Variants in RTN4RL1 observed in about 807,000 individuals in gnomAD.
The protein encoded by RTN4RL1 is reticulon 4 receptor like 1.
In RTN4RL1, 7 loss-of-function variants were observed where a neutral mutation model predicts 25.6. That is an observed-to-expected ratio of 0.27 (90% CI 0.16 to 0.51). RTN4RL1 has a LOEUF of 0.51. Ranked by LOEUF, RTN4RL1 falls within the 20% of genes least tolerant of loss-of-function variation. RTN4RL1 has a pLI of 0.97. For synonymous variants in RTN4RL1, 297 were observed against 288.2 expected (o/e 1.03, Z -0.31); for missense variants, 500 against 615.6 (o/e 0.81, Z 1.99).
At chr17:2,008,651 T>C (rs1482120372) in intron 1 of RTN4RL1, among the ~76,000 whole-genome samples, 1 of 152,146 alleles carries the variant, frequency 6.6e-6, no homozygotes, top group Non-Finnish European at 1.5e-5. Context: ...TTCTTGAGGC[T>C]TTGCAACAGT....
chr17:1,956,224 G>T (rs1182231497), intron 1 of RTN4RL1, among the ~76,000 whole-genome samples: 1 of 152,096 alleles, frequency 6.6e-6, no homozygotes, highest in Non-Finnish European at 1.5e-5. Flanking sequence ...CACCCAGCGG[G>T]GTGCAGGCGA....
intron 1 of RTN4RL1, among the ~76,000 whole-genome samples, chr17:1,966,012 A>T (rs2066789498): frequency 6.6e-6 from 1 of 152,144 alleles, no homozygotes. Context: ...TGACACAGCC[A>T]AGACAAGCAC....
At chr17:1,948,563 A>AGACACAGGCAGACAGGCG (rs1487484908) in intron 1 of RTN4RL1, among the ~76,000 whole-genome samples, 5 of 152,166 alleles carry the variant, frequency 3.3e-5, no homozygotes, top group Admixed American at 6.6e-5. Flanking sequence ...GCAGACAGGC[A>AGACACAGGCAGACAGGCG]GACACAGGCA....
chr17:2,018,937 C>A (rs1252358220), intron 1 of RTN4RL1: 1 of 152,282 alleles, frequency 6.6e-6, no homozygotes, highest in African/African-American at 2.4e-5. Flanking sequence ...CAGCTAGCAT[C>A]CATGTCTCCT....
At chr17:1,952,332 G>T (rs112804109) in intron 1 of RTN4RL1, among the ~76,000 whole-genome samples, 12,145 of 134,870 alleles carry the variant, frequency 0.09, 687 homozygotes, top group Admixed American at 0.16. Flanking sequence ...AGGGAGGTTG[G>T]TTTTTTTTTT....
chr17:1,999,980 C>T, intron 1 of RTN4RL1, among the ~76,000 whole-genome samples: 1 of 152,350 alleles, frequency 6.6e-6, no homozygotes, highest in Admixed American at 6.5e-5. Flanking sequence ...GACCACTGGG[C>T]AGGCCAGGGT....
intron 1 of RTN4RL1, among the ~76,000 whole-genome samples, chr17:1,977,540 G>A (rs2066847801): frequency 6.6e-6 from 1 of 152,046 alleles, no homozygotes; most frequent in Admixed American, 6.5e-5. Context: ...CCGCCCGCCG[G>A]CCTGGGGTGT....
At chr17:1,965,255 G>A (rs546071517) in intron 1 of RTN4RL1, among the ~76,000 whole-genome samples, 42 of 151,488 alleles carry the variant, frequency 2.8e-4, no homozygotes, top group African/African-American at 9.9e-4. Context: ...GATTACAGGC[G>A]CGCGCCCCCC....
At position 1,998,378 on chromosome 17, in the gene RTN4RL1, G is replaced by A. The variant is rs1315941374; in HGVS notation, c.13+26475C>T. On this transcript the variant is annotated intron_variant, in intron 1 of 1. Coordinates refer to ENST00000331238, the MANE Select transcript of RTN4RL1 (RefSeq NM_178568.4). The surrounding 1 kb of genome is among the most constrained non-coding windows in gnomAD (Gnocchi z 4.9). ...CTAGAGCCGGGGGCCCGCGCTGAGA[G>A]ATCGGGGTTACCGCGCGGGGAGCCG... Among the ~76,000 whole-genome samples the A allele has an allele frequency of 2.0e-5, 3 of 152,152 alleles. No homozygotes were observed. The highest frequency in any genetic ancestry group is 6.5e-5 in the Admixed American group (1 of 15,294).
chr17:1,993,620 G>T (rs1327034593), intron 1 of RTN4RL1, among the ~76,000 whole-genome samples: 1 of 152,014 alleles, frequency 6.6e-6, no homozygotes, highest in Non-Finnish European at 1.5e-5. Flanking sequence ...CATAGTAACG[G>T]TTCAATAAAG....
chr17:2,007,352 A>ACACACC (rs1055629314), intron 1 of RTN4RL1, among the ~76,000 whole-genome samples: 1 of 151,190 alleles, frequency 6.6e-6, no homozygotes, highest in Non-Finnish European at 1.5e-5. Flanking sequence ...ACACACACAC[A>ACACACC]CACACACACA....
intron 1 of RTN4RL1, chr17:1,995,538 C>G (rs1015476102): frequency 1.3e-5 from 2 of 152,080 alleles, no homozygotes; most frequent in Non-Finnish European, 2.9e-5. Flanking sequence ...CTCGTCCTTA[C>G]AGGCTCATAC....
intron 1 of RTN4RL1, among the ~76,000 whole-genome samples, chr17:2,003,891 C>A (rs1178825461): frequency 6.6e-6 from 1 of 151,504 alleles, no homozygotes; most frequent in Non-Finnish European, 1.5e-5. Flanking sequence ...GCCAACATGG[C>A]GAAACCTGGT....
chr17:1,971,603 G>A (rs1005242745), intron 1 of RTN4RL1, among the ~76,000 whole-genome samples: 1 of 152,006 alleles, frequency 6.6e-6, no homozygotes, highest in African/African-American at 2.4e-5. Flanking sequence ...GCTGAGGTGG[G>A]AGGGTTGTGT....
chr17:1,940,957 G>C (rs1425331053), intron 1 of RTN4RL1, among the ~76,000 whole-genome samples: 2 of 152,192 alleles, frequency 1.3e-5, no homozygotes, highest in African/African-American at 4.8e-5. Context: ...TCGTCCCTTG[G>C]GCTGCAGCAA....
intron 1 of RTN4RL1, among the ~76,000 whole-genome samples, chr17:1,982,339 G>A (rs2066870739): frequency 1.4e-5 from 2 of 146,662 alleles, no homozygotes; most frequent in African/African-American, 5.1e-5. Context: ...GAAGCCGGGC[G>A]AGGTGCCTCG....
At chr17:1,999,281 A>G (rs911603180) in intron 1 of RTN4RL1, among the ~76,000 whole-genome samples, 4 of 151,710 alleles carry the variant, frequency 2.6e-5, no homozygotes, top group Non-Finnish European at 5.9e-5. Flanking sequence ...CCCCGTCTCT[A>G]CCAAGAATAC....
At chr17:2,023,075 A>G (rs2151332839) in intron 1 of RTN4RL1, among the ~76,000 whole-genome samples, 1 of 152,322 alleles carries the variant, frequency 6.6e-6, no homozygotes, top group South Asian at 2.1e-4. Context: ...TTTTAACTAT[A>G]AACTGCCAAA....
intron 1 of RTN4RL1, among the ~76,000 whole-genome samples, chr17:1,960,957 T>G (rs1915882829): frequency 6.6e-6 from 1 of 152,142 alleles, no homozygotes; most frequent in South Asian, 2.1e-4. Context: ...TCCTGGCCAC[T>G]CTCAATGTCA....
Sources: gnomAD v4.1 joint callset for allele counts (sites outside exome capture counted in the v4.1 genomes callset) on GRCh38, gnomAD v4.1.1 for gene constraint, Gnocchi (gnomAD v3.1) non-coding constraint, MANE v1.5 for transcripts, NCBI Gene and HGNC (gene_info 2026-07-23, HGNC 2026-07-21) for gene names.